The following CNTNAP2 variants were observed in gnomAD, a reference collection of about 807,000 sequenced individuals.
CNTNAP2 encodes contactin associated protein 2.
A neutral mutation model predicts 155.2 loss-of-function variants in CNTNAP2; 98 were observed. The observed-to-expected ratio is 0.63, with a 90% confidence interval of 0.54 to 0.75. The LOEUF (loss-of-function observed/expected upper bound fraction) is 0.75. CNTNAP2 is among the 30% of genes least tolerant of loss of function. The pLI is 0.00. For synonymous variants in CNTNAP2, 651 were observed against 631.2 expected (o/e 1.03, Z -0.47); for missense variants, 1,727 against 1,688.1 (o/e 1.02, Z -0.40).
intron 1 of CNTNAP2, among the ~76,000 whole-genome samples, chr7:146,595,742 C>T (rs1281543719): frequency 6.6e-6 from 1 of 152,004 alleles, no homozygotes; most frequent in African/African-American, 2.4e-5. Context: ...ATATAATTTT[C>T]CTATAATGCT....
chr7:147,534,473 A>G (rs1799505666), intron 11 of CNTNAP2, among the ~76,000 whole-genome samples: 1 of 152,184 alleles, frequency 6.6e-6, no homozygotes, highest in South Asian at 2.1e-4. Flanking sequence ...TAGTACCCTT[A>G]CACGGAACAG....
intron 1 of CNTNAP2, among the ~76,000 whole-genome samples, chr7:146,654,450 A>C (rs1313151254): frequency 6.6e-6 from 1 of 152,182 alleles, no homozygotes; most frequent in Non-Finnish European, 1.5e-5. Flanking sequence ...AAGTAGACTA[A>C]TAGCTTGGCT....
rs143850773 is a variant in CNTNAP2 at position 147,235,974 on chromosome 7, G to A, written c.1349-64167G>A. The stretch of plus-strand genomic sequence containing the variant: ...CTTCCAATGCCAACCCAATGTCATA[G>A]GGTTCATTCCAGTCTTCCTCTTTGA... On this transcript the variant is annotated intron_variant, in intron 8 of 23. Transcript: ENST00000361727. 2.3e-3 allele frequency among the ~76,000 whole-genome samples: 343 copies of A among 152,274 alleles called. 2 individuals carry two copies. Among genetic ancestry groups the A allele is most frequent in the African/African-American group, 7.8e-3 (324 of 41,552 alleles).
At chr7:147,831,810 A>G (rs948074285) in intron 13 of CNTNAP2, 13 of 152,180 alleles carry the variant, frequency 8.5e-5, no homozygotes, top group African/African-American at 2.9e-4. Context: ...CTGGACCAAT[A>G]CAGGGAAGAT....
chr7:146,213,311 G>T (rs1174549401), intron 1 of CNTNAP2, among the ~76,000 whole-genome samples: 1 of 152,144 alleles, frequency 6.6e-6, no homozygotes, highest in Admixed American at 6.6e-5. Flanking sequence ...ACTTTTCTGA[G>T]TGGAAGCCTT....
intron 21 of CNTNAP2, among the ~76,000 whole-genome samples, chr7:148,369,678 T>TTATTATTAC (rs1251613038): frequency 6.7e-6 from 1 of 148,354 alleles, no homozygotes; most frequent in African/African-American, 2.5e-5. Context: ...ATTATTATTA[T>TTATTATTAC]TACTATTACT....
chr7:146,155,685 CATTATTATTATT>C (rs58328058), intron 1 of CNTNAP2, among the ~76,000 whole-genome samples: 4 of 146,752 alleles, frequency 2.7e-5, no homozygotes, highest in South Asian at 2.2e-4. Context: ...AAAACAATAT[CATTATTATTATT>C]ATTATTATTA....
rs573022995 is a variant in CNTNAP2, at chr7:147,725,451, T to C, written c.2098+86145T>C. Reference sequence around the variant, plus strand: ...TCAGAAATTGTTTATGATCAAAAGATGCTTCTGCGTTTTTATATTAAAGCC... The same window carrying C: ...TCAGAAATTGTTTATGATCAAAAGACGCTTCTGCGTTTTTATATTAAAGCC... On this transcript the variant is annotated intron_variant, in intron 13 of 23. Coordinates refer to ENST00000361727, the MANE Select transcript of CNTNAP2 (RefSeq NM_014141.6). Among the ~76,000 whole-genome samples the C allele has an allele frequency of 2.6e-5, 4 of 152,220 alleles. No individual in the cohort carries two copies. In the East Asian group the frequency reaches 7.8e-4, roughly 30 times the overall value.
chr7:146,973,441 A>G (rs1420934422), intron 3 of CNTNAP2, among the ~76,000 whole-genome samples: 2 of 152,176 alleles, frequency 1.3e-5, no homozygotes, highest in African/African-American at 4.8e-5. Flanking sequence ...ATTAGCCAGT[A>G]TTATTGTAAG....
chr7:147,595,441 A>C (rs1800810228), intron 12 of CNTNAP2, among the ~76,000 whole-genome samples: 1 of 152,206 alleles, frequency 6.6e-6, no homozygotes, highest in Non-Finnish European at 1.5e-5. Context: ...ATGTTACTCT[A>C]TCCAACATGT....
At chr7:146,129,174 T>A (rs1379901035) in intron 1 of CNTNAP2, among the ~76,000 whole-genome samples, 2 of 152,196 alleles carry the variant, frequency 1.3e-5, no homozygotes, top group East Asian at 3.8e-4. Context: ...ACAGAGCATA[T>A]AATCACCCAC....
intron 9 of CNTNAP2, among the ~76,000 whole-genome samples, chr7:147,388,564 G>T (rs1238176892): frequency 1.3e-5 from 2 of 150,910 alleles, no homozygotes; most frequent in Non-Finnish European, 2.9e-5. Context: ...CAAACCCACT[G>T]GGTTCATTCT....
intron 1 of CNTNAP2, among the ~76,000 whole-genome samples, chr7:146,759,416 C>T (rs111230715): frequency 9.9e-5 from 15 of 151,966 alleles, no homozygotes; most frequent in East Asian, 9.7e-4. Flanking sequence ...ATGGTTAGGC[C>T]GGGCACGGTG....
rs183162183 is a variant in CNTNAP2 at position 147,355,760 on chromosome 7, G to A, written c.1499-39849G>A. Among the ~76,000 whole-genome samples the A allele has an allele frequency of 1.0e-3, 158 of 152,136 alleles. 1 individual carries two copies. The highest frequency in any genetic ancestry group is 1.8e-3 in the Non-Finnish European group (125 of 67,996). ...CAGGAAGAAGTCAAATCCCTGAATA[G>A]ACCAATAACAAGTTCTGAAATTGAG... On this transcript the variant is annotated intron_variant, in intron 9 of 23. Transcript: ENST00000361727.
At chr7:147,612,303 C>A (rs2116878645) in intron 12 of CNTNAP2, among the ~76,000 whole-genome samples, 1 of 151,892 alleles carries the variant, frequency 6.6e-6, no homozygotes, top group Non-Finnish European at 1.5e-5. Flanking sequence ...AAATAAGATA[C>A]ATCTTGCTTT....
intron 1 of CNTNAP2, among the ~76,000 whole-genome samples, chr7:146,271,406 T>C (rs1800080646): frequency 6.6e-6 from 1 of 152,010 alleles, no homozygotes. Context: ...TTGGAAGAAT[T>C]TTACAAATTT....
intron 3 of CNTNAP2, among the ~76,000 whole-genome samples, chr7:147,033,730 C>T (rs1323821762): frequency 1.3e-5 from 2 of 150,372 alleles, no homozygotes; most frequent in Non-Finnish European, 2.9e-5. Context: ...AGCTGACTTA[C>T]ATACTTCTGA....
chr7:147,123,343 T>C (rs1488120140), intron 6 of CNTNAP2, among the ~76,000 whole-genome samples: 1 of 152,196 alleles, frequency 6.6e-6, no homozygotes, highest in African/African-American at 2.4e-5. Context: ...GAAATATAAT[T>C]CTAATTTTCA....
rs578009095 is a variant in CNTNAP2, at chr7:146,157,272, G to A, written c.97+40299G>A. ...ACTCTTCTTCAATAATAACATTAAA[G>A]CAGAAGGAGGTTCCAAGATGGCCGA... On this transcript the variant is annotated intron_variant, in intron 1 of 23. Transcript: ENST00000361727. Among the ~76,000 whole-genome samples, 4 of 152,176 alleles carry A rather than the reference G, an allele frequency of 2.6e-5. No homozygotes were observed. The South Asian group carries it at 8.3e-4, about 32-fold the overall frequency.
Sources: gnomAD v4.1 joint callset for allele counts (sites outside exome capture counted in the v4.1 genomes callset) on GRCh38, gnomAD v4.1.1 for gene constraint, MANE v1.5 for transcripts, NCBI Gene and HGNC (gene_info 2026-07-23, HGNC 2026-07-21) for gene names.